ZC3H12B: variants seen among roughly 807,000 people sequenced by gnomAD.
ZC3H12B encodes zinc finger CCCH-type containing 12B.
ZC3H12B carries 7 observed loss-of-function variants against 43.9 expected under a neutral mutation model. The ratio of observed to expected loss-of-function variants is 0.16; its 90% CI spans 0.09 to 0.30. ZC3H12B has a LOEUF of 0.30. ZC3H12B is among the 10% of genes least tolerant of loss of function. The probability of loss-of-function intolerance (pLI) is 1.00; values close to 1 mark genes in which losing one functional copy is unlikely to be tolerated. For synonymous variants in ZC3H12B, 222 were observed against 241.7 expected (o/e 0.92, Z 0.76); for missense variants, 475 against 670.2 (o/e 0.71, Z 3.22).
chrX:65,426,799 T>G (rs2067089015), intron 3 of ZC3H12B, among the ~76,000 whole-genome samples: 3 of 112,351 alleles, frequency 2.7e-5, no homozygotes, highest in Admixed American at 9.5e-5. Context: ...TTCTTAATCT[T>G]GATTTTTAAT....
At chrX:65,401,170 C>A (rs1391972195) in intron 3 of ZC3H12B, among the ~76,000 whole-genome samples, 6 of 110,846 alleles carry the variant, frequency 5.4e-5, no homozygotes, top group African/African-American at 2.0e-4. Context: ...CTGAAAGATG[C>A]ACTGAAGAGA....
the ZC3H12B span, among the ~76,000 whole-genome samples, chrX:65,207,670 G>A: frequency 1.0e-5 from 1 of 100,375 alleles, no homozygotes; most frequent in South Asian, 5.0e-4. Flanking sequence ...GCTCTTTTTT[G>A]GTTCCATATG....
At chrX:65,080,393 G>A in the ZC3H12B span, among the ~76,000 whole-genome samples, 4 of 110,423 alleles carry the variant, frequency 3.6e-5, no homozygotes, top group Non-Finnish European at 7.6e-5. Flanking sequence ...AGAACACCAA[G>A]AAGATTTAAC....
At chrX:65,144,430 G>A in the ZC3H12B span, among the ~76,000 whole-genome samples, 1 of 111,731 alleles carries the variant, frequency 9.0e-6, no homozygotes, top group African/African-American at 3.2e-5. Flanking sequence ...CGAGGTTTTT[G>A]TTTTATTTAT....
chrX:65,338,951 G>A, the ZC3H12B span, among the ~76,000 whole-genome samples: 9 of 112,094 alleles, frequency 8.0e-5, no homozygotes, highest in Non-Finnish European at 1.7e-4. Context: ...ATAAGAACTG[G>A]AACAAGACAA....
the ZC3H12B span, among the ~76,000 whole-genome samples, chrX:65,158,976 C>A: frequency 8.9e-6 from 1 of 111,978 alleles, no homozygotes; most frequent in South Asian, 3.7e-4. Flanking sequence ...GATCCAGTTT[C>A]ACCTTTCTAC....
chrX:65,392,248 C>T (rs1266082258), intron 2 of ZC3H12B, among the ~76,000 whole-genome samples: 1 of 111,134 alleles, frequency 9.0e-6, no homozygotes, highest in East Asian at 2.8e-4. Flanking sequence ...GTGAGGAGCC[C>T]CTCTGCCTGG....
At chrX:65,229,302 A>G in the ZC3H12B span, among the ~76,000 whole-genome samples, 8 of 112,106 alleles carry the variant, frequency 7.1e-5, no homozygotes, top group Admixed American at 3.8e-4. Flanking sequence ...CCGATTTACT[A>G]AATGGTGCTG....
At chrX:65,238,853 T>C in the ZC3H12B span, among the ~76,000 whole-genome samples, 2 of 112,036 alleles carry the variant, frequency 1.8e-5, no homozygotes, top group African/African-American at 6.5e-5. Flanking sequence ...CCAGGAGTGA[T>C]TCAGGAGCAG....
At chrX:65,204,832 A>T in the ZC3H12B span, among the ~76,000 whole-genome samples, 1 of 112,015 alleles carries the variant, frequency 8.9e-6, no homozygotes. Context: ...TGGATTTTCT[A>T]TATATTTGAA....
chrX:65,362,754 G>A (rs772355479), upstream of ZC3H12B, among the ~76,000 whole-genome samples: 7 of 110,901 alleles, frequency 6.3e-5, no homozygotes, highest in Admixed American at 4.8e-4. Flanking sequence ...TTACAGCATG[G>A]CCTTTTAAAG....
intron 4 of ZC3H12B, 33 bp downstream of exon 9, chrX:65,500,022 C>A: frequency 9.7e-7 from 1 of 1,027,220 alleles, no homozygotes; most frequent in Non-Finnish European, 1.4e-6. Context: ...GAGTTCTGTA[C>A]CACCGGAAAC....
At chrX:65,461,403 G>A (rs760753582) in intron 3 of ZC3H12B, among the ~76,000 whole-genome samples, 24 of 112,182 alleles carry the variant, frequency 2.1e-4, no homozygotes, top group African/African-American at 7.4e-4. Flanking sequence ...CCATGCACAC[G>A]TATGTTTATT....
the ZC3H12B span, among the ~76,000 whole-genome samples, chrX:65,161,668 G>A: frequency 1.8e-5 from 2 of 111,801 alleles, no homozygotes; most frequent in African/African-American, 3.3e-5. Context: ...CTGTAAGTGA[G>A]ATGCGTTTCC....
At chrX:65,163,489 C>G in the ZC3H12B span, among the ~76,000 whole-genome samples, 3 of 111,480 alleles carry the variant, frequency 2.7e-5, no homozygotes, top group Admixed American at 1.9e-4. Context: ...CACCCCTCCC[C>G]CAGCCTCGCT....
At chrX:65,212,732 AATATAT>A in the ZC3H12B span, among the ~76,000 whole-genome samples, 1 of 93,349 alleles carries the variant, frequency 1.1e-5, no homozygotes, top group African/African-American at 3.9e-5. Flanking sequence ...ATCATATATA[AATATAT>A]ATATATGTTT....
chrX:65,421,947 CAAAA>C (rs113194708), intron 3 of ZC3H12B, among the ~76,000 whole-genome samples: 2 of 70,625 alleles, frequency 2.8e-5, no homozygotes, highest in Admixed American at 1.8e-4. Context: ...GACTCCATCT[CAAAA>C]AAAAAAAAAA....
the ZC3H12B span, among the ~76,000 whole-genome samples, chrX:65,309,344 A>T: frequency 7.1e-5 from 8 of 112,192 alleles, no homozygotes; most frequent in African/African-American, 2.6e-4. Context: ...AATACAAATT[A>T]CTATCAGAGA....
At chrX:65,124,180 C>T in the ZC3H12B span, among the ~76,000 whole-genome samples, 1 of 110,546 alleles carries the variant, frequency 9.0e-6, no homozygotes, top group African/African-American at 3.3e-5. Flanking sequence ...GCCAATTTTG[C>T]TGGAAGTTTT....
Sources: gnomAD v4.1 joint callset for allele counts (sites outside exome capture counted in the v4.1 genomes callset) on GRCh38, gnomAD v4.1.1 for gene constraint, MANE v1.5 for transcripts, NCBI Gene and HGNC (gene_info 2026-07-23, HGNC 2026-07-21) for gene names.